ANKRD28: variants seen among roughly 807,000 people sequenced by gnomAD.
ANKRD28 encodes ankyrin repeat domain 28, also known as serine/threonine-protein phosphatase 6 regulatory ankyrin repeat subunit A.
ANKRD28 carries 44 observed loss-of-function variants against 126.5 expected under a neutral mutation model. That is an observed-to-expected ratio of 0.35 (90% CI 0.27 to 0.45). ANKRD28 has a LOEUF of 0.45. Ranked by LOEUF, ANKRD28 falls within the 20% of genes least tolerant of loss-of-function variation. ANKRD28 has a pLI of 1.00. For synonymous variants in ANKRD28, 442 were observed against 468.5 expected, an observed-to-expected ratio of 0.94 and a Z score of 0.73; for missense variants, 1,110 against 1,316.6, an observed-to-expected ratio of 0.84 and a Z score of 2.43.
intron 14 of ANKRD28, among the ~76,000 whole-genome samples, chr3:15,707,475 C>T (rs1205528177): frequency 6.6e-6 from 1 of 152,170 alleles, no homozygotes; most frequent in Non-Finnish European, 1.5e-5. Context: ...ACCTTTTGGA[C>T]ACCAATTTAC....
In ANKRD28 at chr3:15,669,970, G is replaced by C. The variant is rs2066193024; in HGVS notation, c.*300C>G. 1 of 305,054 alleles carries C rather than the reference G, an allele frequency of 3.3e-6. No homozygotes were observed. The highest frequency in any genetic ancestry group is 2.1e-5 in the African/African-American group (1 of 47,222). The allele number at this position is 305,054 out of a possible 1,614,324, so 18.9% of individuals were successfully genotyped here. On this transcript the variant is annotated 3_prime_UTR_variant, in exon 28 of 28. Coordinates refer to ENST00000683139, the MANE Select transcript of ANKRD28 (RefSeq NM_001349278.2). Reference sequence around the variant, plus strand: ...TACAATAGTGTTGCTTGTGTAAGCAGGTTAGAGTGCACAGTGTCCCCAATT... The same window carrying C: ...TACAATAGTGTTGCTTGTGTAAGCACGTTAGAGTGCACAGTGTCCCCAATT...
At chr3:15,856,613 C>A (rs1282001485) in intron 1 of ANKRD28, among the ~76,000 whole-genome samples, 1 of 152,146 alleles carries the variant, frequency 6.6e-6, no homozygotes, top group African/African-American at 2.4e-5. Context: ...AATTAAAAAT[C>A]ATTTTCATCT....
intron 17 of ANKRD28, among the ~76,000 whole-genome samples, chr3:15,691,531 G>A (rs994959231): frequency 1.3e-5 from 2 of 152,188 alleles, no homozygotes; most frequent in Admixed American, 1.3e-4. Context: ...TAAATGCTGA[G>A]CAGGACATAA....
rs1309075927 is a variant in ANKRD28, at chr3:15,817,815, G to A, written c.28-22509C>T. 6.6e-6 allele frequency among the ~76,000 whole-genome samples: 1 copy of A among 152,120 alleles called. No individual in the cohort carries two copies. The highest frequency in any genetic ancestry group is 1.9e-4 in the East Asian group (1 of 5,196). On this transcript the variant is annotated intron_variant, in intron 1 of 27. Coordinates refer to the ANKRD28 transcript ENST00000399451. This position sits in a 1 kb window ranked among gnomAD's most constrained non-coding sequence, Gnocchi z 4.5. Reference sequence around the variant, plus strand: ...GGGTAGAAGGAATAAGGGATATATAGTTTGGAAGGGAAGAAATAAAAGTGC... The same window carrying A: ...GGGTAGAAGGAATAAGGGATATATAATTTGGAAGGGAAGAAATAAAAGTGC...
intron 14 of ANKRD28, among the ~76,000 whole-genome samples, chr3:15,697,846 GA>G (rs2069887882): frequency 1.3e-5 from 2 of 152,172 alleles, no homozygotes; most frequent in African/African-American, 4.8e-5. Context: ...ATTCGGCTGT[GA>G]ATCCATCTGG....
chr3:15,859,443 C>CCGCT (rs1559606811), exon 1 of ANKRD28: 1 of 1,478,946 alleles, frequency 6.8e-7, no homozygotes, highest in South Asian at 1.2e-5. Flanking sequence ...CCTCCTCCTC[C>CCGCT]GCCGCTGCCG....
intron 7 of ANKRD28, among the ~76,000 whole-genome samples, chr3:15,721,552 G>T (rs1186354239): frequency 6.6e-6 from 1 of 152,032 alleles, no homozygotes; most frequent in Non-Finnish European, 1.5e-5. Flanking sequence ...TCATTTTGCA[G>T]TGACAAAGGC....
chr3:15,859,361 G>T, intron 1 of ANKRD28: 2 of 1,527,282 alleles, frequency 1.3e-6, no homozygotes, highest in East Asian at 2.6e-5. Flanking sequence ...ATCCCGCCCT[G>T]CAGCCCCTCA....
rs1207244280 is a variant in ANKRD28, at chr3:15,839,816, A to C, written c.27+19561T>G. Among the ~76,000 whole-genome samples the C allele has an allele frequency of 1.3e-5, 2 of 152,256 alleles. No individual in the cohort carries two copies. The highest frequency in any genetic ancestry group is 1.3e-4 in the Admixed American group (2 of 15,286). ...GGACAAAAACCACATAGTCATGTCA[A>C]CTGATGCTGAAAAAGCATTTGATAA... On this transcript the variant is annotated intron_variant, in intron 1 of 27. Transcript: ENST00000399451. The surrounding 1 kb of genome is among the most constrained non-coding windows in gnomAD (Gnocchi z 4.3).
At chr3:15,714,678 TA>T in intron 8 of ANKRD28, 22 bp from the exon 9 acceptor site, 1 of 1,527,912 alleles carries the variant, frequency 6.5e-7, no homozygotes, top group South Asian at 1.2e-5. Flanking sequence ...AGAAAAAAAT[TA>T]CTCACTCTAC....
chr3:15,740,880 C>T (rs1365254369), intron 4 of ANKRD28, among the ~76,000 whole-genome samples: 2 of 152,160 alleles, frequency 1.3e-5, no homozygotes, highest in African/African-American at 4.8e-5. Context: ...AACCCTGAAT[C>T]CATTATTTCC....
chr3:15,799,654 C>T (rs141118442), upstream of ANKRD28, among the ~76,000 whole-genome samples: 20 of 152,060 alleles, frequency 1.3e-4, no homozygotes, highest in East Asian at 3.7e-3. Flanking sequence ...TTCCCAAGCC[C>T]ACAAAGCAAA....
intron 15 of ANKRD28, among the ~76,000 whole-genome samples, chr3:15,695,561 GGTA>G (rs2069414813): frequency 6.6e-6 from 1 of 152,034 alleles, no homozygotes; most frequent in Non-Finnish European, 1.5e-5. Context: ...TAATTTATAA[GGTA>G]AGTCTAAATA....
chr3:15,723,371 A>G (rs1412530054), intron 7 of ANKRD28, among the ~76,000 whole-genome samples: 1 of 152,214 alleles, frequency 6.6e-6, no homozygotes, highest in Non-Finnish European at 1.5e-5. Context: ...TCTAAACTGT[A>G]TCCCTCTAGC....
chr3:15,690,743 A>T (rs1486767954), intron 17 of ANKRD28, among the ~76,000 whole-genome samples: 1 of 151,624 alleles, frequency 6.6e-6, no homozygotes, highest in Non-Finnish European at 1.5e-5. Flanking sequence ...TTTTCTTTTA[A>T]TTTTTGTAGT....
intron 7 of ANKRD28, among the ~76,000 whole-genome samples, chr3:15,723,632 T>C (rs1351488671): frequency 2.0e-5 from 3 of 151,534 alleles, no homozygotes; most frequent in African/African-American, 7.3e-5. Context: ...CTCTACAAAA[T>C]AAAAAAAATT....
chr3:15,676,142 G>A, intron 26 of ANKRD28, 153 bp from the exon 27 acceptor site: 1 of 525,124 alleles, frequency 1.9e-6, no homozygotes, highest in East Asian at 3.1e-5. Flanking sequence ...ATGGGGGCAG[G>A]GAGAGCAGAA....
chr3:15,712,512 C>T (rs1212463070), intron 10 of ANKRD28, among the ~76,000 whole-genome samples: 2 of 152,158 alleles, frequency 1.3e-5, no homozygotes, highest in South Asian at 2.1e-4. Context: ...CAGCAGCATC[C>T]CTGGGCTCTA....
chr3:15,765,057 A>T (rs1025799644), intron 3 of ANKRD28, among the ~76,000 whole-genome samples: 8 of 152,236 alleles, frequency 5.3e-5, no homozygotes, highest in African/African-American at 1.9e-4. Context: ...TATCAAAGGA[A>T]TACTACTACT....
Sources: allele counts gnomAD v4.1 joint callset (sites outside exome capture counted in the v4.1 genomes callset), GRCh38; gene constraint gnomAD v4.1.1; non-coding constraint Gnocchi (gnomAD v3.1); transcripts MANE v1.5; gene names NCBI Gene and HGNC (gene_info 2026-07-23, HGNC 2026-07-21).